The following IRF6 variants were observed in gnomAD, a reference collection of about 807,000 sequenced individuals.
The protein encoded by IRF6 is interferon regulatory factor 6, also known as Van der Woude syndrome.
IRF6 carries 6 observed loss-of-function variants against 51.4 expected under a neutral mutation model. The observed-to-expected ratio is 0.12, with a 90% CI of 0.06 to 0.23. The LOEUF (loss-of-function observed/expected upper bound fraction) is 0.23. IRF6 is among the 10% of genes least tolerant of loss of function. The pLI is 1.00. For missense variants in IRF6, 348 were observed against 585.2 expected, an observed-to-expected ratio of 0.59 and a Z score of 4.18; for synonymous variants, 178 against 215.7, an observed-to-expected ratio of 0.83 and a Z score of 1.53.
At chr1:209,793,660 C>T (rs149792866) in intron 5 of IRF6, among the ~76,000 whole-genome samples, 24 of 152,254 alleles carry the variant, frequency 1.6e-4, no homozygotes, top group African/African-American at 2.4e-4. Flanking sequence ...CAGATTATTT[C>T]GTCACCTAGT....
At chr1:209,803,995 A>G (rs1230180596) in intron 1 of IRF6, among the ~76,000 whole-genome samples, 5 of 152,234 alleles carry the variant, frequency 3.3e-5, no homozygotes, top group Non-Finnish European at 7.3e-5. Flanking sequence ...CAACAATGCA[A>G]CAAAATATTT....
chr1:209,792,150 A>G (rs2102538379), intron 6 of IRF6, 119 bp downstream of exon 6: 2 of 1,075,912 alleles, frequency 1.9e-6, no homozygotes, highest in Non-Finnish European at 1.4e-6. Context: ...GAAACAGAGG[A>G]TGCCTCTGAG....
Position 209,786,905 on chromosome 1 carries a change from T to C in IRF6, c.*1515A>G, listed in dbSNP as rs1485351203. The stretch of plus-strand genomic sequence containing the variant: ...ACTAGACATGGGCTTCCTTACTATG[T>C]CCCGACACAGACAGATAGGCATCAC... On this transcript the variant is annotated 3_prime_UTR_variant, in exon 9 of 9. Transcript: ENST00000367021. 1 of 152,112 alleles carries C rather than the reference T, an allele frequency of 6.6e-6. No homozygotes were observed. Among genetic ancestry groups the C allele is most frequent in the East Asian group, 1.9e-4 (1 of 5,188 alleles). 9.4% of individuals were successfully genotyped at this position (152,112 alleles called of 1,614,324 possible).
intron 6 of IRF6, 34 bp downstream of exon 6, chr1:209,792,235 G>A: frequency 6.2e-7 from 1 of 1,602,048 alleles, no homozygotes; most frequent in Non-Finnish European, 8.6e-7. Context: ...AATAGAAGCA[G>A]AAGACCGAGC....
chr1:209,803,156 A>C (rs1013128881), intron 1 of IRF6, among the ~76,000 whole-genome samples: 1 of 152,226 alleles, frequency 6.6e-6, no homozygotes, highest in African/African-American at 2.4e-5. Flanking sequence ...AAGCCTTATA[A>C]GGAGGAGGGG....
At chr1:209,804,852 T>C (rs745389162) in intron 1 of IRF6, among the ~76,000 whole-genome samples, 2 of 152,166 alleles carry the variant, frequency 1.3e-5, no homozygotes, top group Non-Finnish European at 2.9e-5. Flanking sequence ...GTGGTTTTGC[T>C]CAGGTTAAAA....
At chr1:209,803,400 A>T (rs549542824) in intron 1 of IRF6, among the ~76,000 whole-genome samples, 23 of 152,238 alleles carry the variant, frequency 1.5e-4, no homozygotes, top group Non-Finnish European at 3.1e-4. Context: ...AAAGTCCAAA[A>T]GGACTTATTG....
rs1401980530 is a variant in IRF6, at chr1:209,786,714, A to G, written c.*1706T>C. ...ATCTTTTCATGCTTTTCATAATAGC[A>G]AATTCCACTAGGTCTCTTAGAAACT... On this transcript the variant is annotated 3_prime_UTR_variant, in exon 9 of 9. Transcript: ENST00000367021. 1 of 151,696 alleles carries G rather than the reference A, an allele frequency of 6.6e-6. No individual in the cohort carries two copies. Among genetic ancestry groups the G allele is most frequent in the Non-Finnish European group, 1.5e-5 (1 of 67,922 alleles). The allele number at this position is 151,696 out of a possible 1,614,324, so 9.4% of individuals were successfully genotyped here. A position where few individuals can be genotyped will look rare whatever the true frequency, so the allele number is the denominator to read the frequency against.
rs967112540 is a variant in IRF6 at position 209,786,924 on chromosome 1, G to C, written c.*1496C>G. The C allele has an allele frequency of 6.6e-6, 1 of 152,170 alleles. No homozygotes were observed. The highest frequency in any genetic ancestry group is 1.5e-5 in the Non-Finnish European group (1 of 68,054). The allele number at this position is 152,170 out of a possible 1,614,324, so 9.4% of individuals were successfully genotyped here. A position where few individuals can be genotyped will look rare whatever the true frequency, so the allele number is the denominator to read the frequency against. On this transcript the variant is annotated 3_prime_UTR_variant, in exon 9 of 9. Transcript: ENST00000367021. ...ACTATGTCCCGACACAGACAGATAGGCATCACTATTCAAGAGGACTGGGGC... is the reference window on the plus strand; with the variant it reads ...ACTATGTCCCGACACAGACAGATAGCCATCACTATTCAAGAGGACTGGGGC...
At position 209,786,648 on chromosome 1, in the gene IRF6, T is replaced by A. The variant is rs1181688353; in HGVS notation, c.*1772A>T. The A allele has an allele frequency of 6.6e-6, 1 of 152,208 alleles. No homozygotes were observed. Among genetic ancestry groups the A allele is most frequent in the Non-Finnish European group, 1.5e-5 (1 of 68,044 alleles). 9.4% of individuals were successfully genotyped at this position (152,208 alleles called of 1,614,324 possible). A position where few individuals can be genotyped will look rare whatever the true frequency, so the allele number is the denominator to read the frequency against. On this transcript the variant is annotated 3_prime_UTR_variant, in exon 9 of 9. Coordinates refer to ENST00000367021, the MANE Select transcript of IRF6 (RefSeq NM_006147.4). The stretch of plus-strand genomic sequence containing the variant: ...TTCCCGGTCCCTAAAAGCCCAACTT[T>A]TCCTCGAAGCTGGGCACCTGACCTT...
chr1:209,792,653 AAAACCTTT>A, intron 5 of IRF6: 2 of 588,362 alleles, frequency 3.4e-6, no homozygotes, highest in Non-Finnish European at 6.0e-6. Flanking sequence ...CATAGTTTTA[AAAACCTTT>A]GTTTGCTGAA....
intron 3 of IRF6, 118 bp downstream of exon 3, chr1:209,801,122 C>T (rs567362645): frequency 1.1e-6 from 1 of 907,488 alleles, no homozygotes; most frequent in Non-Finnish European, 1.7e-6. Flanking sequence ...AGTTTGGGCA[C>T]CCCCATCATA....
At chr1:209,791,066 C>T in intron 6 of IRF6, 179 bp from the exon 7 acceptor site, 1 of 985,292 alleles carries the variant, frequency 1.0e-6, no homozygotes, top group African/African-American at 1.7e-5. Flanking sequence ...AATATTCACT[C>T]AAAAGGCTGC....
intron 3 of IRF6, among the ~76,000 whole-genome samples, chr1:209,800,007 A>G (rs1558042392): frequency 6.6e-6 from 1 of 152,056 alleles, no homozygotes; most frequent in East Asian, 1.9e-4. Context: ...CCCTTTCCCA[A>G]CCCAATTTCA....
In IRF6 at chr1:209,795,296, T is replaced by C. The variant is rs766995537; in HGVS notation, c.502A>G (p.Ile168Val). The C allele has an allele frequency of 1.2e-6, 2 of 1,614,084 alleles. No individual in the cohort carries two copies. The highest frequency in any genetic ancestry group is 1.3e-5 in the African/African-American group (1 of 74,942). ...PIQDTFPFLN[I>V]NGSPMAPASV... ...ACCCATCATCCCCACTCACCATTGA[T>C]GTTCAGGAAGGGGAAGGTGTCCTGG... Residue 168 changes from isoleucine to valine, a missense_variant, in exon 5 of 9, where the codon ATC (isoleucine) becomes GTC (valine). Ile to Val is a conservative substitution (Grantham distance 29). Transcript: ENST00000367021.
Position 209,794,695 on chromosome 1 carries a change from C to T in IRF6, c.508+595G>A, listed in dbSNP as rs79307481. On this transcript the variant is annotated intron_variant, in intron 5 of 8. Transcript: ENST00000367021. ...CGTGTGTTCAAGTATCCTCAGAAAA[C>T]GCAGTGGGAGATTCAGTACCTGCTC... Among the ~76,000 whole-genome samples the T allele has an allele frequency of 8.9e-3, 1,356 of 152,324 alleles. 49 individuals are homozygous for T. The East Asian group carries it at 0.1, about 11-fold the overall frequency.
chr1:209,790,575 C>G lies in IRF6; in HGVS notation c.980G>C (p.Cys327Ser). ...GTTGGGAGCAACAAGTGATGGGGCACATGGCCCAGACCAGTACACCTTGCA... is the reference window on the plus strand; with the variant it reads ...GTTGGGAGCAACAAGTGATGGGGCAGATGGCCCAGACCAGTACACCTTGCA... ...CQCKVYWSGPCAPSLVAPNLI... is the reference protein window; with the variant it reads ...CQCKVYWSGPSAPSLVAPNLI... Residue 327 changes from cysteine to serine, a missense_variant, in exon 7 of 9, where the codon TGT becomes TCT. Cys to Ser is a moderately radical substitution (Grantham distance 112). Coordinates refer to ENST00000367021, the MANE Select transcript of IRF6 (RefSeq NM_006147.4). The surrounding 1 kb of genome is among the most constrained non-coding windows in gnomAD (Gnocchi z 4.8). 1 of 1,614,266 alleles carries G rather than the reference C, an allele frequency of 6.2e-7. No homozygotes were observed. Among genetic ancestry groups the G allele is most frequent in the East Asian group, 2.2e-5 (1 of 44,892 alleles).
rs17015224 is a variant in IRF6, at chr1:209,795,573, G to A, written c.380-155C>T. Among the ~76,000 whole-genome samples the A allele has an allele frequency of 0.17, 25,858 of 152,086 alleles. 2,374 individuals are homozygous for A. Among genetic ancestry groups the A allele is most frequent in the African/African-American group, 0.22 (9,325 of 41,454 alleles). ...CTAGCTAAAAAGAGTGAGAATCAAGGGAATGAACACTTCTCTCATGGAAGG... is the reference window on the plus strand; with the variant it reads ...CTAGCTAAAAAGAGTGAGAATCAAGAGAATGAACACTTCTCTCATGGAAGG... On this transcript the variant is annotated intron_variant, in intron 4 of 8. Coordinates refer to ENST00000367021, the MANE Select transcript of IRF6 (RefSeq NM_006147.4).
rs1041407017 is a variant in IRF6 at position 209,796,988 on chromosome 1, G to A, written c.175-436C>T. 5.3e-5 allele frequency among the ~76,000 whole-genome samples: 8 copies of A among 152,142 alleles called. No homozygotes were observed. Among genetic ancestry groups the A allele is most frequent in the Non-Finnish European group, 1.2e-4 (8 of 68,024 alleles). The stretch of plus-strand genomic sequence containing the variant: ...CATTTTTGACATGAGTTGCTTATAC[G>A]ACAATAGGTAAGACAAAGAGGGATG... On this transcript the variant is annotated intron_variant, in intron 3 of 8. Coordinates refer to ENST00000367021, the MANE Select transcript of IRF6 (RefSeq NM_006147.4). The surrounding 1 kb of genome is among the most constrained non-coding windows in gnomAD (Gnocchi z 4.5).
Sources: gnomAD v4.1 joint callset for allele counts (sites outside exome capture counted in the v4.1 genomes callset) on GRCh38, gnomAD v4.1.1 for gene constraint, Gnocchi (gnomAD v3.1) non-coding constraint, MANE v1.5 for transcripts, NCBI Gene and HGNC (gene_info 2026-07-23, HGNC 2026-07-21) for gene names.